VWA8: variants seen among roughly 807,000 people sequenced by gnomAD.
VWA8 encodes the protein von Willebrand factor A domain containing 8, also known as von Willebrand factor A domain-containing protein 8.
VWA8 carries 221 observed loss-of-function variants against 241.5 expected under a neutral mutation model. The ratio of observed to expected loss-of-function variants is 0.91; its 90% CI spans 0.82 to 1.02. The LOEUF (loss-of-function observed/expected upper bound fraction) is 1.02, where lower values mean the gene tolerates loss of function less well. Among genes scored for constraint, VWA8 ranks in the 50% least tolerant of loss-of-function variants. The pLI is 0.00. For missense variants in VWA8, 2,322 were observed against 2,328.7 expected (o/e 1.00, Z 0.06); for synonymous variants, 852 against 827.1 (o/e 1.03, Z -0.52).
intron 26 of VWA8, among the ~76,000 whole-genome samples, chr13:41,710,142 G>A (rs2045307464): frequency 6.6e-6 from 1 of 151,986 alleles, no homozygotes; most frequent in African/African-American, 2.4e-5. Flanking sequence ...CATCTCAACG[G>A]CAATTTGCAA....
chr13:41,692,804 TG>T, intron 30 of VWA8, 57 bp downstream of exon 30: 1 of 1,420,288 alleles, frequency 7.0e-7, no homozygotes, highest in Non-Finnish European at 9.8e-7. Flanking sequence ...TGCATCTTTC[TG>T]GTTAGAAAGC....
At chr13:41,637,203 C>T (rs562877150) in intron 37 of VWA8, among the ~76,000 whole-genome samples, 67 of 151,480 alleles carry the variant, frequency 4.4e-4, no homozygotes, top group African/African-American at 1.6e-3. Context: ...GAAAATGTGG[C>T]ACATATATAC....
intron 2 of VWA8, among the ~76,000 whole-genome samples, chr13:41,943,036 T>C (rs1451280443): frequency 6.6e-6 from 1 of 152,194 alleles, no homozygotes; most frequent in East Asian, 1.9e-4. Context: ...ACAGACCTCT[T>C]TGGCCCCAGG....
chr13:41,658,050 A>C (rs992053130), intron 37 of VWA8, among the ~76,000 whole-genome samples: 1 of 152,258 alleles, frequency 6.6e-6, no homozygotes, highest in South Asian at 2.1e-4. Flanking sequence ...AGACTTCTCA[A>C]AGCCAGATAT....
At chr13:41,750,752 T>C (rs1566441446) in intron 21 of VWA8, among the ~76,000 whole-genome samples, 2 of 152,198 alleles carry the variant, frequency 1.3e-5, no homozygotes, top group Non-Finnish European at 2.9e-5. Flanking sequence ...TAAGACTTCA[T>C]CAGATGAGGA....
chr13:41,892,443 C>T (rs1016238050), intron 4 of VWA8, among the ~76,000 whole-genome samples: 2 of 152,156 alleles, frequency 1.3e-5, no homozygotes, highest in African/African-American at 4.8e-5. Flanking sequence ...CATTAGTCTC[C>T]ATGGCACTGC....
intron 21 of VWA8, among the ~76,000 whole-genome samples, chr13:41,754,404 C>T (rs1480162727): frequency 6.6e-6 from 1 of 152,124 alleles, no homozygotes; most frequent in African/African-American, 2.4e-5. Context: ...AACTGTAAGT[C>T]CAATAAACCT....
intron 2 of VWA8, among the ~76,000 whole-genome samples, chr13:41,922,873 G>A (rs1011117943): frequency 6.6e-6 from 1 of 152,248 alleles, no homozygotes; most frequent in Non-Finnish European, 1.5e-5. Flanking sequence ...GGAAGACAGT[G>A]TGGTGATTCC....
chr13:41,829,929 A>G (rs1035046254), intron 14 of VWA8, among the ~76,000 whole-genome samples: 4 of 152,102 alleles, frequency 2.6e-5, no homozygotes, highest in African/African-American at 9.7e-5. Flanking sequence ...AAAACTATTG[A>G]AATAAAAAAT....
At chr13:41,790,662 T>C (rs368815261) in intron 17 of VWA8, among the ~76,000 whole-genome samples, 11 of 152,114 alleles carry the variant, frequency 7.2e-5, no homozygotes, top group South Asian at 4.1e-4. Context: ...TTGAGTGAAG[T>C]AGAACTCTTA....
intron 12 of VWA8, among the ~76,000 whole-genome samples, chr13:41,858,033 T>C (rs1333640266): frequency 6.6e-6 from 1 of 152,198 alleles, no homozygotes; most frequent in Non-Finnish European, 1.5e-5. Context: ...CTTATACTAT[T>C]GGCTCTATTG....
At chr13:41,575,648 C>A in intron 43 of VWA8, 92 bp downstream of exon 43, 1 of 858,742 alleles carries the variant, frequency 1.2e-6, no homozygotes, top group South Asian at 1.9e-5. Context: ...TTTTTCTTTC[C>A]TGTGTATCTG....
At chr13:41,665,697 T>C (rs562550331) in intron 37 of VWA8, among the ~76,000 whole-genome samples, 5 of 152,228 alleles carry the variant, frequency 3.3e-5, no homozygotes, top group African/African-American at 9.6e-5. Flanking sequence ...AGCCAGTATA[T>C]TGCAGAATTA....
chr13:41,701,621 T>A (rs886096041), intron 27 of VWA8, 91 bp from the exon 28 acceptor site: 8 of 1,243,588 alleles, frequency 6.4e-6, no homozygotes, highest in Admixed American at 3.1e-5. Context: ...AACTTTAACA[T>A]TCAAGTATTT....
intron 37 of VWA8, among the ~76,000 whole-genome samples, chr13:41,658,234 G>A (rs1489713337): frequency 6.6e-6 from 1 of 152,230 alleles, no homozygotes; most frequent in Admixed American, 6.5e-5. Context: ...TGACGTGAGA[G>A]GATAGATGGC....
chr13:41,645,108 C>T (rs2044822314), intron 37 of VWA8, among the ~76,000 whole-genome samples: 1 of 152,150 alleles, frequency 6.6e-6, no homozygotes, highest in Non-Finnish European at 1.5e-5. Context: ...ATCTGTAAAA[C>T]AAGGATAGTA....
chr13:41,796,954 G>T (rs980029793), intron 17 of VWA8, among the ~76,000 whole-genome samples: 12 of 152,054 alleles, frequency 7.9e-5, no homozygotes, highest in African/African-American at 2.9e-4. Context: ...TTATTGCTAT[G>T]AATTCTGTTG....
At chr13:41,803,624 C>T (rs1396696493) in intron 17 of VWA8, among the ~76,000 whole-genome samples, 1 of 152,064 alleles carries the variant, frequency 6.6e-6, no homozygotes, top group East Asian at 1.9e-4. Context: ...AGATCCGCCC[C>T]CGTGATTAAT....
chr13:41,782,714 A>G (rs1315870628), intron 19 of VWA8, among the ~76,000 whole-genome samples: 1 of 152,042 alleles, frequency 6.6e-6, no homozygotes, highest in East Asian at 1.9e-4. Flanking sequence ...AGATACCTAT[A>G]AAGTTAATAT....
Sources: gnomAD v4.1 joint callset for allele counts (sites outside exome capture counted in the v4.1 genomes callset) on GRCh38, gnomAD v4.1.1 for gene constraint, MANE v1.5 for transcripts, NCBI Gene and HGNC (gene_info 2026-07-23, HGNC 2026-07-21) for gene names.